CFAP418: variants seen among roughly 807,000 people sequenced by gnomAD.
CFAP418 encodes cilia- and flagella-associated protein 418.
A neutral mutation model predicts 24.7 loss-of-function variants in CFAP418; 27 were observed. The ratio of observed to expected loss-of-function variants is 1.09; its 90% CI spans 0.81 to 1.51. The LOEUF is 1.51. CFAP418 is among the 40% of genes most tolerant of loss of function. CFAP418 has a pLI of 0.00. For synonymous variants in CFAP418, 74 were observed against 87.3 expected (o/e 0.85, Z 0.85); for missense variants, 257 against 255.2 (o/e 1.01, Z -0.05).
In CFAP418 at chr8:95,247,135, A is replaced by T. The variant is rs1348456614; in HGVS notation, c.*482T>A. On this transcript the variant is annotated 3_prime_UTR_variant, in exon 6 of 6. Transcript: ENST00000286688. Reference sequence around the variant, plus strand: ...AACACCCTTCAGTCAGCCACTGATCACCTGGTTTCTGCCATGTCCAAATTA... The same window carrying T: ...AACACCCTTCAGTCAGCCACTGATCTCCTGGTTTCTGCCATGTCCAAATTA... 6.2e-6 allele frequency: 1 copy of T among 160,538 alleles called. No individual in the cohort carries two copies. Among genetic ancestry groups the T allele is most frequent in the Non-Finnish European group, 1.4e-5 (1 of 72,468 alleles). The allele number at this position is 160,538 out of a possible 1,614,324, so 9.9% of individuals were successfully genotyped here.
intron 2 of CFAP418, among the ~76,000 whole-genome samples, chr8:95,261,508 G>T (rs1811891720): frequency 2.0e-5 from 3 of 152,136 alleles, no homozygotes; most frequent in African/African-American, 4.8e-5. Context: ...CAGAATGGGA[G>T]AGCAGGAGGT....
At chr8:95,259,785 G>T in intron 4 of CFAP418, 55 bp downstream of exon 4, 2 of 1,231,212 alleles carry the variant, frequency 1.6e-6, no homozygotes, top group Non-Finnish European at 2.4e-6. Flanking sequence ...TAACAATGGG[G>T]CATCCATTTG....
At chr8:95,255,626 AG>A (rs1811775319) in intron 4 of CFAP418, among the ~76,000 whole-genome samples, 1 of 152,242 alleles carries the variant, frequency 6.6e-6, no homozygotes, top group Non-Finnish European at 1.5e-5. Flanking sequence ...CATTGAAGAC[AG>A]GAAGTGTCCA....
intron 2 of CFAP418, 51 bp downstream of exon 2, chr8:95,263,636 A>G: frequency 8.6e-7 from 1 of 1,157,574 alleles, no homozygotes; most frequent in East Asian, 2.3e-5. Context: ...TATTCTAAAC[A>G]TGTCTTGAAA....
At chr8:95,249,275 TAAAG>T (rs1195937611) in intron 5 of CFAP418, among the ~76,000 whole-genome samples, 6 of 152,234 alleles carry the variant, frequency 3.9e-5, no homozygotes, top group South Asian at 4.1e-4. Context: ...ATTCCATTCT[TAAAG>T]AAAACACGAT....
rs371650182 is a variant in CFAP418, at chr8:95,247,458, A to T, written c.*159T>A. On this transcript the variant is annotated 3_prime_UTR_variant, in exon 6 of 6. Transcript: ENST00000286688. ...AGTGTTATAATACATGATCTTCCTT[A>T]GTCCATTTGGTCTTCAAAAATGTAT... 2.8e-6 allele frequency: 2 copies of T among 710,442 alleles called. No individual in the cohort carries two copies. Among genetic ancestry groups the T allele is most frequent in the African/African-American group, 1.8e-5 (1 of 56,278 alleles). The allele number at this position is 710,442 out of a possible 1,614,324, so 44.0% of individuals were successfully genotyped here. A position where few individuals can be genotyped will look rare whatever the true frequency, so the allele number is the denominator to read the frequency against.
At chr8:95,254,521 T>TAAAG (rs757293750) in intron 4 of CFAP418, among the ~76,000 whole-genome samples, 4 of 152,206 alleles carry the variant, frequency 2.6e-5, no homozygotes, top group Non-Finnish European at 5.9e-5. Context: ...GTCAGGTCTT[T>TAAAG]CCCTCTAAAA....
chr8:95,257,581 C>T (rs1405993759), intron 4 of CFAP418, among the ~76,000 whole-genome samples: 1 of 152,136 alleles, frequency 6.6e-6, no homozygotes. Context: ...TGACGGACCA[C>T]ATATACAACA....
intron 1 of CFAP418, among the ~76,000 whole-genome samples, chr8:95,265,575 G>A (rs374587708): frequency 2.6e-5 from 4 of 152,132 alleles, no homozygotes; most frequent in Non-Finnish European, 5.9e-5. Flanking sequence ...AGGTTGCTAA[G>A]ATGTCCTCTT....
At chr8:95,260,404 C>A (rs971447269) in intron 3 of CFAP418, 64 bp downstream of exon 3, 5 of 1,196,216 alleles carry the variant, frequency 4.2e-6, no homozygotes, top group East Asian at 2.6e-5. Context: ...ACAAAATCTA[C>A]TAGACTATGC....
At position 95,259,917 on chromosome 8, in the gene CFAP418, C is replaced by A; in HGVS notation, c.309-12G>T. The A allele has an allele frequency of 6.4e-7, 1 of 1,555,390 alleles. No individual in the cohort carries two copies. On this transcript the variant is annotated splice_polypyrimidine_tract_variant and intron_variant, in intron 3 of 5. Coordinates refer to ENST00000286688, the MANE Select transcript of CFAP418 (RefSeq NM_177965.4). ...ACACCGGACTGCAACTAGATGTGTTCAACAGATGCAAAAATATGAAGTTAT... is the reference window on the plus strand; with the variant it reads ...ACACCGGACTGCAACTAGATGTGTTAAACAGATGCAAAAATATGAAGTTAT...
At position 95,252,200 on chromosome 8, in the gene CFAP418, T is replaced by G. The variant is rs1383655696; in HGVS notation, c.458A>C (p.Tyr153Ser). 6.2e-7 allele frequency: 1 copy of G among 1,612,118 alleles called. No homozygotes were observed. Among genetic ancestry groups the G allele is most frequent in the Non-Finnish European group, 8.5e-7 (1 of 1,178,920 alleles). ...DDYMWDKSCDYLFFRNNMPEF... is the reference protein window; with the variant it reads ...DDYMWDKSCDSLFFRNNMPEF... ...TTTAGCAACATACCTGAAAAACAGA[T>G]AATCACACGATTTGTCCCACATATA... is the stretch of plus-strand genomic sequence containing the variant. The change falls in exon 5 of 6, where the codon TAT becomes TCT. Residue 153 changes from tyrosine to serine, a missense_variant. Coordinates refer to ENST00000286688, the MANE Select transcript of CFAP418 (RefSeq NM_177965.4).
Position 95,247,578 on chromosome 8 carries a change from T to C in CFAP418, c.*39A>G. 6.2e-7 allele frequency: 1 copy of C among 1,610,024 alleles called. No homozygotes were observed. On this transcript the variant is annotated 3_prime_UTR_variant, in exon 6 of 6. Transcript: ENST00000286688. ...CATGATGATGATTCATGGAGACCACTCTCATGGATGCATCTGTCCGAATGT... is the reference window on the plus strand; with the variant it reads ...CATGATGATGATTCATGGAGACCACCCTCATGGATGCATCTGTCCGAATGT...
chr8:95,261,276 T>C (rs1184891418), intron 2 of CFAP418, among the ~76,000 whole-genome samples: 2 of 152,216 alleles, frequency 1.3e-5, no homozygotes, highest in Admixed American at 6.5e-5. Context: ...GCGAAAATAT[T>C]GTTTTACTAT....
At chr8:95,258,955 T>C (rs879801747) in intron 4 of CFAP418, among the ~76,000 whole-genome samples, 17 of 152,218 alleles carry the variant, frequency 1.1e-4, no homozygotes, top group Admixed American at 3.9e-4. Context: ...CACTCTATGA[T>C]GTTTGTACAT....
chr8:95,258,156 A>G (rs2132159937), intron 4 of CFAP418, among the ~76,000 whole-genome samples: 1 of 152,242 alleles, frequency 6.6e-6, no homozygotes, highest in South Asian at 2.1e-4. Context: ...GCCGAGGAGA[A>G]CAGATCATGA....
At chr8:95,253,616 A>G (rs1261107806) in intron 4 of CFAP418, among the ~76,000 whole-genome samples, 1 of 152,238 alleles carries the variant, frequency 6.6e-6, no homozygotes, top group Admixed American at 6.5e-5. Flanking sequence ...ACTATTAACC[A>G]TAATAATAAT....
intron 3 of CFAP418, 36 bp from the exon 4 acceptor site, chr8:95,259,941 A>G: frequency 1.3e-6 from 2 of 1,516,322 alleles, no homozygotes; most frequent in Non-Finnish European, 1.8e-6. Flanking sequence ...ATATGAAGTT[A>G]TAACAAAAAA....
At position 95,263,731 on chromosome 8, in the gene CFAP418, T is replaced by G; in HGVS notation, c.199A>C (p.Ile67Leu). ...FKKEDDLDSL[I>L]NEILEEPNLD... is the part of the protein sequence containing the mutation. ...TTGGGCTCTTCAAGTATTTCATTAA[T>G]AAGACTGTCAAGATCATCTTCTTTT... Residue 67 changes from isoleucine (I) to leucine (L), a missense_variant, in exon 2 of 6, where the codon ATT becomes CTT. Physicochemically the swap from Ile to Leu is conservative, Grantham distance 5. Transcript: ENST00000286688. The G allele has an allele frequency of 6.2e-7, 1 of 1,609,888 alleles. No homozygotes were observed. Among genetic ancestry groups the G allele is most frequent in the Non-Finnish European group, 8.5e-7 (1 of 1,176,840 alleles).
Sources: gnomAD v4.1 joint callset for allele counts (sites outside exome capture counted in the v4.1 genomes callset) on GRCh38, gnomAD v4.1.1 for gene constraint, MANE v1.5 for transcripts, NCBI Gene and HGNC (gene_info 2026-07-23, HGNC 2026-07-21) for gene names.